Variants in VPS50 observed in about 807,000 individuals in gnomAD.
VPS50 encodes VPS50 subunit of EARP/GARPII complex, also known as syndetin.
In VPS50, 70 loss-of-function variants were observed where a neutral mutation model predicts 139.7. The ratio of observed to expected loss-of-function variants is 0.50; its 90% CI spans 0.41 to 0.61. The LOEUF (loss-of-function observed/expected upper bound fraction) is 0.61. Among genes scored for constraint, VPS50 ranks in the 20% least tolerant of loss-of-function variants. The pLI is 0.00. For missense variants in VPS50, 921 were observed against 1,133.7 expected (o/e 0.81, Z 2.69); for synonymous variants, 365 against 376.7 (o/e 0.97, Z 0.36).
intron 20 of VPS50, among the ~76,000 whole-genome samples, chr7:93,313,728 T>C (rs1203188561): frequency 6.7e-6 from 1 of 149,680 alleles, no homozygotes; most frequent in African/African-American, 2.5e-5. Flanking sequence ...AGTGGGTTTG[T>C]AGGAACTGAG....
At chr7:93,274,968 A>C (rs1796111518) in intron 11 of VPS50, among the ~76,000 whole-genome samples, 1 of 152,150 alleles carries the variant, frequency 6.6e-6, no homozygotes, top group South Asian at 2.1e-4. Flanking sequence ...GTTGATTCCA[A>C]CCTTCATGAT....
In VPS50 at chr7:93,355,413, A is replaced by C. The variant is rs1043094746; in HGVS notation, c.2586-478A>C. Among the ~76,000 whole-genome samples, 4 of 152,184 alleles carry C rather than the reference A, an allele frequency of 2.6e-5. 1 individual carries two copies. Among genetic ancestry groups the C allele is most frequent in the Admixed American group, 2.6e-4 (4 of 15,276 alleles). On this transcript the variant is annotated intron_variant, in intron 26 of 27. Transcript: ENST00000305866. ...ATATATATATACTTTCTATGCTTAC[A>C]TGCTTACACATTTCTTTATGTTTTC...
chr7:93,301,297 G>GAA (rs759682829), intron 16 of VPS50, among the ~76,000 whole-genome samples: 284 of 123,878 alleles, frequency 2.3e-3, no homozygotes, highest in African/African-American at 7.9e-3. Context: ...ACTCTGTCTT[G>GAA]AAAAAAAAAA....
In VPS50 at chr7:93,347,144, C is replaced by A. The variant is rs913263775; in HGVS notation, c.2208-1567C>A. Among the ~76,000 whole-genome samples, 9 of 148,376 alleles carry A rather than the reference C, an allele frequency of 6.1e-5. 1 individual carries two copies. Among genetic ancestry groups the A allele is most frequent in the Non-Finnish European group, 1.0e-4 (7 of 67,574 alleles). ...AAGTTTGCAAGAAAAAAACAAACAA[C>A]CCCATCAAAAAGTGGGCAAAGGATA... On this transcript the variant is annotated intron_variant, in intron 23 of 27. Transcript: ENST00000305866.
chr7:93,256,346 T>C, intron 4 of VPS50, 163 bp from the exon 5 acceptor site: 1 of 428,040 alleles, frequency 2.3e-6, no homozygotes. Context: ...TTTACTAATT[T>C]CATAGCCCAG....
Position 93,256,573 on chromosome 7 carries a change from A to G in VPS50, c.351+11A>G. ...CCTGCTTATGTAAAGGTAGGATAAT[A>G]TTTGTTATTTTTTGTAGTAGAATTT... On this transcript the variant is annotated intron_variant, in intron 5 of 27. Transcript: ENST00000305866. 7.1e-7 allele frequency: 1 copy of G among 1,413,932 alleles called. No homozygotes were observed. The highest frequency in any genetic ancestry group is 2.5e-5 in the East Asian group (1 of 39,764). The allele number at this position is 1,413,932 out of a possible 1,614,324, so 87.6% of individuals were successfully genotyped here. A position where few individuals can be genotyped will look rare whatever the true frequency, so the allele number is the denominator to read the frequency against.
intron 23 of VPS50, among the ~76,000 whole-genome samples, chr7:93,344,944 C>T (rs1584491016): frequency 6.6e-6 from 1 of 152,038 alleles, no homozygotes; most frequent in Non-Finnish European, 1.5e-5. Context: ...CAAACACATT[C>T]AAAAGCTAGC....
chr7:93,240,018 C>G lies in VPS50; in HGVS notation c.102+84C>G, dbSNP rs1794933181. 3.6e-6 allele frequency: 3 copies of G among 824,164 alleles called. No individual in the cohort carries two copies. The Admixed American group carries it at 6.0e-5, about 17-fold the overall frequency. The allele number at this position is 824,164 out of a possible 1,614,324, so 51.1% of individuals were successfully genotyped here. On this transcript the variant is annotated intron_variant, in intron 2 of 27. Coordinates refer to ENST00000305866, the MANE Select transcript of VPS50 (RefSeq NM_017667.4). ...CTGGATAGTAATTGATTCACAGAAG[C>G]TTTTCTTTCCCACAGGCAGATGGTT... is the stretch of plus-strand genomic sequence containing the variant.
At chr7:93,304,803 C>G (rs910871980) in intron 17 of VPS50, among the ~76,000 whole-genome samples, 3 of 151,792 alleles carry the variant, frequency 2.0e-5, no homozygotes, top group Non-Finnish European at 4.4e-5. Context: ...ACCTGACATG[C>G]ATTCATGTGG....
At chr7:93,299,358 A>G (rs758110550) in intron 16 of VPS50, among the ~76,000 whole-genome samples, 1 of 152,240 alleles carries the variant, frequency 6.6e-6, no homozygotes, top group Non-Finnish European at 1.5e-5. Context: ...TAAATCTGCA[A>G]AATCCCAATT....
chr7:93,330,665 G>A (rs1797908661), intron 21 of VPS50, among the ~76,000 whole-genome samples: 1 of 147,456 alleles, frequency 6.8e-6, no homozygotes, highest in Middle Eastern at 3.6e-3. Context: ...GAGGCAGGAG[G>A]ATCGCTTGAG....
chr7:93,294,201 T>C (rs1473223696), intron 13 of VPS50, among the ~76,000 whole-genome samples: 2 of 151,982 alleles, frequency 1.3e-5, no homozygotes, highest in Admixed American at 1.3e-4. Context: ...AGTTAATTGG[T>C]CCTGTAATGC....
rs540481796 is a variant in VPS50 at position 93,339,928 on chromosome 7, T to A, written c.2059-1499T>A. 4.6e-5 allele frequency among the ~76,000 whole-genome samples: 7 copies of A among 152,338 alleles called. No homozygotes were observed. The East Asian group carries it at 5.8e-4, about 13-fold the overall frequency. ...TGTAAATTTCTCTTATGGAATTTTT[T>A]AAAAAATGTAATGAATGGAATTCAT... On this transcript the variant is annotated intron_variant, in intron 22 of 27. Coordinates refer to ENST00000305866, the MANE Select transcript of VPS50 (RefSeq NM_017667.4).
chr7:93,320,584 A>C (rs1451212747), intron 20 of VPS50: 1 of 43,216 alleles, frequency 2.3e-5, no homozygotes, highest in African/African-American at 1.3e-3. Context: ...GATGGTCTCT[A>C]TCTATCTCCT....
At chr7:93,254,597 TC>T (rs1266585209) in intron 4 of VPS50, among the ~76,000 whole-genome samples, 1 of 152,180 alleles carries the variant, frequency 6.6e-6, no homozygotes, top group African/African-American at 2.4e-5. Context: ...AGAATTAATG[TC>T]CCCCTGAGAT....
At chr7:93,253,186 A>G (rs1795386566) in intron 3 of VPS50, among the ~76,000 whole-genome samples, 1 of 152,238 alleles carries the variant, frequency 6.6e-6, no homozygotes, top group Non-Finnish European at 1.5e-5. Context: ...AAGAACTTTA[A>G]CGAAAGTCAG....
In VPS50 at chr7:93,296,811, A is replaced by C; in HGVS notation, c.1237A>C (p.Ile413Leu). 1 of 1,603,690 alleles carries C rather than the reference A, an allele frequency of 6.2e-7. No individual in the cohort carries two copies. Residue 413 changes from isoleucine to leucine, a missense_variant, in exon 15 of 28, where the codon ATC becomes CTC. Ile to Leu is a conservative substitution (Grantham distance 5). This residue lies in a region of VPS50 where 744 missense variants were observed against 930.6 expected (regional missense o/e 0.80). Coordinates refer to ENST00000305866, the MANE Select transcript of VPS50 (RefSeq NM_017667.4). ...GTCTATATTCAAATATGATGATTTCATCTTTGTTTTGGATATAATCAGCAG... is the reference window on the plus strand; with the variant it reads ...GTCTATATTCAAATATGATGATTTCCTCTTTGTTTTGGATATAATCAGCAG... ...DLSIFKYDDF[I>L]FVLDIISRLM... is the part of the protein sequence containing the mutation.
chr7:93,288,549 C>A (rs751839632), intron 12 of VPS50, among the ~76,000 whole-genome samples: 5 of 152,072 alleles, frequency 3.3e-5, no homozygotes, highest in Non-Finnish European at 7.4e-5. Context: ...TTTGTTAGAT[C>A]GTGACAAATT....
At chr7:93,246,072 C>G in intron 2 of VPS50, 2 of 1,474,164 alleles carry the variant, frequency 1.4e-6, no homozygotes, top group Non-Finnish European at 1.8e-6. Context: ...ATTTTGGTCA[C>G]TAAACGCTTC....
Sources: gnomAD v4.1 joint callset for allele counts (sites outside exome capture counted in the v4.1 genomes callset) on GRCh38, gnomAD v4.1.1 for gene constraint, gnomAD v4.1.1 regional missense constraint, MANE v1.5 for transcripts, NCBI Gene and HGNC (gene_info 2026-07-23, HGNC 2026-07-21) for gene names.